Variants in ASCC3 observed in about 807,000 individuals in gnomAD.
ASCC3 encodes ASC-1 complex subunit P200.
In ASCC3, 158 loss-of-function variants were observed where a neutral mutation model predicts 256.3. The observed-to-expected ratio is 0.62, with a 90% CI of 0.54 to 0.70. ASCC3 has a LOEUF of 0.70. ASCC3 is among the 30% of genes least tolerant of loss of function. The pLI is 0.00. For synonymous variants in ASCC3, 948 were observed against 883.4 expected (o/e 1.07, Z -1.30); for missense variants, 2,259 against 2,626.0 (o/e 0.86, Z 3.05).
chr6:100,709,904 TAACA>T (rs1778785886), intron 13 of ASCC3, among the ~76,000 whole-genome samples: 1 of 152,188 alleles, frequency 6.6e-6, no homozygotes, highest in African/African-American at 2.4e-5. Flanking sequence ...TTTTTATAGC[TAACA>T]AACAGTATAG....
At chr6:100,785,194 C>CTATTT (rs1769006300) in intron 8 of ASCC3, among the ~76,000 whole-genome samples, 1 of 152,010 alleles carries the variant, frequency 6.6e-6, no homozygotes, top group African/African-American at 2.4e-5. Flanking sequence ...AAAGAGTAAC[C>CTATTT]TAATATTAAA....
chr6:100,543,887 A>G (rs576475549), intron 36 of ASCC3, among the ~76,000 whole-genome samples: 28 of 152,260 alleles, frequency 1.8e-4, no homozygotes, highest in African/African-American at 6.5e-4. Flanking sequence ...CACACAACGC[A>G]ATAAGAGTTG....
At chr6:100,754,170 CA>C (rs1245013978) in intron 10 of ASCC3, among the ~76,000 whole-genome samples, 4 of 151,494 alleles carry the variant, frequency 2.6e-5, no homozygotes, top group African/African-American at 7.3e-5. Flanking sequence ...CATTATAAAG[CA>C]AAAAAAGTAT....
At chr6:100,731,707 T>C (rs758152807) in intron 10 of ASCC3, among the ~76,000 whole-genome samples, 10 of 152,170 alleles carry the variant, frequency 6.6e-5, no homozygotes, top group Non-Finnish European at 1.2e-4. Flanking sequence ...TAAAGTTGTG[T>C]TTTTCAAATC....
At chr6:100,527,564 G>T (rs1335817399) in intron 37 of ASCC3, among the ~76,000 whole-genome samples, 1 of 152,080 alleles carries the variant, frequency 6.6e-6, no homozygotes, top group Non-Finnish European at 1.5e-5. Context: ...CACTGAGCCT[G>T]AGCTTAGTGC....
At chr6:100,840,487 G>GAT (rs1772087651) in intron 4 of ASCC3, among the ~76,000 whole-genome samples, 1 of 69,332 alleles carries the variant, frequency 1.4e-5, no homozygotes, top group Non-Finnish European at 2.8e-5. Flanking sequence ...GCCACGCCAG[G>GAT]CTTTTTTTTT....
intron 2 of ASCC3, among the ~76,000 whole-genome samples, chr6:100,866,494 C>T (rs1414971799): frequency 6.6e-6 from 1 of 152,178 alleles, no homozygotes; most frequent in Non-Finnish European, 1.5e-5. Flanking sequence ...ACGTTATTGG[C>T]TGCATATATA....
At chr6:100,693,813 A>G (rs1037302004) in intron 13 of ASCC3, among the ~76,000 whole-genome samples, 1 of 152,192 alleles carries the variant, frequency 6.6e-6, no homozygotes, top group African/African-American at 2.4e-5. Flanking sequence ...AATTTTTTTT[A>G]GCTGTGGAAT....
At chr6:100,513,240 TTA>T (rs1188695481) in intron 39 of ASCC3, among the ~76,000 whole-genome samples, 1 of 152,250 alleles carries the variant, frequency 6.6e-6, no homozygotes, top group African/African-American at 2.4e-5. Context: ...TATTGTGCTT[TTA>T]GTCTTTTTAA....
intron 26 of ASCC3, among the ~76,000 whole-genome samples, 175 bp from the exon 27 acceptor site, chr6:100,629,356 TAAGAA>T (rs894094919): frequency 6.6e-6 from 1 of 152,184 alleles, no homozygotes; most frequent in Non-Finnish European, 1.5e-5. Flanking sequence ...TTAAGAACTC[TAAGAA>T]AATTTCTTGC....
At chr6:100,584,654 A>G (rs1273306721) in intron 36 of ASCC3, among the ~76,000 whole-genome samples, 8 of 151,106 alleles carry the variant, frequency 5.3e-5, no homozygotes, top group African/African-American at 1.9e-4. Flanking sequence ...TTTGCTCATT[A>G]GTTTATGCAG....
At chr6:100,664,482 C>G (rs116287529) in intron 14 of ASCC3, among the ~76,000 whole-genome samples, 4,579 of 152,032 alleles carry the variant, frequency 0.03, 77 homozygotes, top group African/African-American at 0.055. Context: ...AAGTAAATAA[C>G]AACTTACACA....
chr6:100,777,875 A>T (rs1372082461), intron 8 of ASCC3, among the ~76,000 whole-genome samples: 1 of 152,138 alleles, frequency 6.6e-6, no homozygotes, highest in Non-Finnish European at 1.5e-5. Context: ...GCAGGATTTT[A>T]AGTAGAAGAA....
chr6:100,710,917 C>T (rs559765737), intron 13 of ASCC3, among the ~76,000 whole-genome samples: 24 of 152,040 alleles, frequency 1.6e-4, no homozygotes, highest in South Asian at 8.3e-4. Flanking sequence ...CTAAGCAACC[C>T]GTAGCTTCTA....
rs1306119783 is a variant in ASCC3 at position 100,867,924 on chromosome 6, T to G, written c.74A>C (p.Glu25Ala). The G allele has an allele frequency of 6.2e-7, 1 of 1,613,202 alleles. No individual in the cohort carries two copies. The highest frequency in any genetic ancestry group is 8.5e-7 in the Non-Finnish European group (1 of 1,179,370). The change falls in exon 2 of 42, where the codon GAA becomes GCA. Residue 25 changes from glutamate to alanine, a missense_variant. Transcript: ENST00000369162. ...CAAATCTACCTTTAAGTCAGCCACT[T>G]CTTCATTATAATTATCTTGCTTGGT... is the stretch of plus-strand genomic sequence containing the variant. ...NVTKQDNYNE[E>A]VADLKIKRSK...
At chr6:100,608,097 C>CATATATATGTATATAT (rs1391815541) in intron 30 of ASCC3, among the ~76,000 whole-genome samples, 3 of 45,026 alleles carry the variant, frequency 6.7e-5, no homozygotes, top group Non-Finnish European at 1.2e-4. Context: ...TATCTATATA[C>CATATATATGTATATAT]ACATATATAT....
chr6:100,536,975 A>G (rs926686114), intron 37 of ASCC3, among the ~76,000 whole-genome samples: 4 of 152,214 alleles, frequency 2.6e-5, no homozygotes, highest in Non-Finnish European at 5.9e-5. Flanking sequence ...TCCTTATAGT[A>G]TAATTCCAGG....
intron 10 of ASCC3, among the ~76,000 whole-genome samples, chr6:100,741,651 A>AT (rs1163733338): frequency 6.6e-6 from 1 of 151,670 alleles, no homozygotes; most frequent in Non-Finnish European, 1.5e-5. Flanking sequence ...CTCTGAGATG[A>AT]TTTTCTCTGC....
chr6:100,850,244 A>G (rs1199180971), intron 3 of ASCC3, among the ~76,000 whole-genome samples: 1 of 152,050 alleles, frequency 6.6e-6, no homozygotes, highest in Non-Finnish European at 1.5e-5. Context: ...ATTGGCTATT[A>G]TATATTTCCT....
Sources: allele counts gnomAD v4.1 joint callset (sites outside exome capture counted in the v4.1 genomes callset), GRCh38; gene constraint gnomAD v4.1.1; transcripts MANE v1.5; gene names NCBI Gene and HGNC (gene_info 2026-07-23, HGNC 2026-07-21).